The following PTGFRN variants were observed in gnomAD, a reference collection of about 807,000 sequenced individuals.
The protein encoded by PTGFRN is prostaglandin F2 receptor negative regulator.
In PTGFRN, 35 loss-of-function variants were observed where a neutral mutation model predicts 83.2. That is an observed-to-expected ratio of 0.42 (90% confidence interval 0.32 to 0.56). The LOEUF (loss-of-function observed/expected upper bound fraction) is 0.56, where lower values mean the gene tolerates loss of function less well. PTGFRN is among the 20% of genes least tolerant of loss of function. The pLI is 0.11. For synonymous variants in PTGFRN, 519 were observed against 498.6 expected, an observed-to-expected ratio of 1.04 and a Z score of -0.55; for missense variants, 1,051 against 1,179.5, an observed-to-expected ratio of 0.89 and a Z score of 1.60.
chr1:116,926,464 C>T (rs1253076650), intron 1 of PTGFRN, among the ~76,000 whole-genome samples: 1 of 152,194 alleles, frequency 6.6e-6, no homozygotes, highest in Non-Finnish European at 1.5e-5. Context: ...CCTTTTCTAT[C>T]TCTGGTCCTT....
In PTGFRN at chr1:116,988,631, C is replaced by T. The variant is rs761559849; in HGVS notation, c.*1664C>T. On this transcript the variant is annotated 3_prime_UTR_variant, in exon 9 of 9. Transcript: ENST00000393203. ...CCATTCATGTGCAGCTCTTTGTCAC[C>T]ATGGGCCGGATGAGTTGTGCTCCTC... 1 of 152,822 alleles carries T rather than the reference C, an allele frequency of 6.5e-6. No individual in the cohort carries two copies. The highest frequency in any genetic ancestry group is 1.5e-5 in the Non-Finnish European group (1 of 68,110). The allele number at this position is 152,822 out of a possible 1,614,324, so 9.5% of individuals were successfully genotyped here.
At chr1:116,973,149 C>T (rs1433029266) in intron 6 of PTGFRN, among the ~76,000 whole-genome samples, 4 of 152,218 alleles carry the variant, frequency 2.6e-5, no homozygotes, top group Admixed American at 6.5e-5. Flanking sequence ...AACACCTGGG[C>T]TCAAGTGACC....
chr1:116,921,043 T>G (rs1649524210), intron 1 of PTGFRN, among the ~76,000 whole-genome samples: 1 of 152,224 alleles, frequency 6.6e-6, no homozygotes, highest in South Asian at 2.1e-4. Flanking sequence ...AGGTTCAAAA[T>G]GATGCTGGAT....
intron 1 of PTGFRN, among the ~76,000 whole-genome samples, chr1:116,939,495 C>G (rs541728579): frequency 6.6e-6 from 1 of 152,168 alleles, no homozygotes; most frequent in East Asian, 1.9e-4. Flanking sequence ...GCACCAAGTC[C>G]CTAGGCTGCA....
intron 7 of PTGFRN, among the ~76,000 whole-genome samples, chr1:116,977,674 G>A (rs1448248695): frequency 6.6e-6 from 1 of 151,968 alleles, no homozygotes; most frequent in Non-Finnish European, 1.5e-5. Flanking sequence ...TGAAACCAAT[G>A]AGAACAAAGA....
At chr1:116,915,792 G>A (rs1039456704) in intron 1 of PTGFRN, among the ~76,000 whole-genome samples, 1 of 152,200 alleles carries the variant, frequency 6.6e-6, no homozygotes, top group African/African-American at 2.4e-5. Context: ...ATGCTGTCCA[G>A]GCAGTTCATA....
chr1:116,916,522 T>G (rs1286713635), intron 1 of PTGFRN, among the ~76,000 whole-genome samples: 2 of 152,212 alleles, frequency 1.3e-5, no homozygotes, highest in Non-Finnish European at 2.9e-5. Context: ...CTTATGGGCC[T>G]CAGTAAGGGA....
At chr1:116,944,149 G>A (rs947241284) in intron 2 of PTGFRN, among the ~76,000 whole-genome samples, 1 of 152,186 alleles carries the variant, frequency 6.6e-6, no homozygotes, top group Non-Finnish European at 1.5e-5. Context: ...TCTCCCCTGT[G>A]GATCTTGCTA....
rs1477999272 is a variant in PTGFRN, at chr1:116,946,298, G to C, written c.832+1206G>C. Among the ~76,000 whole-genome samples, 16 of 152,204 alleles carry C rather than the reference G, an allele frequency of 1.1e-4. 1 individual carries two copies. The highest frequency in any genetic ancestry group is 1.0e-3 in the Admixed American group (16 of 15,280). ...ACAGAGCCTGGATTTGGAAAAGTGG[G>C]TGGTGGAAAAGCAGGTCTGAGGTTC... On this transcript the variant is annotated intron_variant, in intron 3 of 8. Transcript: ENST00000393203.
At chr1:116,960,262 G>T (rs898416080) in intron 4 of PTGFRN, among the ~76,000 whole-genome samples, 3 of 152,228 alleles carry the variant, frequency 2.0e-5, no homozygotes, top group African/African-American at 7.2e-5. Context: ...GTGAGACTGT[G>T]TGGAGACTGG....
rs911042937 is a variant in PTGFRN, at chr1:116,974,204, C to T, written c.2060-12C>T. The T allele has an allele frequency of 1.1e-5, 18 of 1,567,714 alleles. No homozygotes were observed. The Admixed American group carries it at 3.0e-4, about 26-fold the overall frequency. On this transcript the variant is annotated splice_polypyrimidine_tract_variant and intron_variant, in intron 6 of 8. Transcript: ENST00000393203. ...AAAGAGAATAATGAGGCTGGCATTA[C>T]TTTTTTTCCAGGTCCTATATTTAAT...
At chr1:116,936,830 A>G (rs1286032330) in intron 1 of PTGFRN, among the ~76,000 whole-genome samples, 4 of 152,156 alleles carry the variant, frequency 2.6e-5, no homozygotes, top group Non-Finnish European at 2.9e-5. Context: ...AACAACTACT[A>G]TTTTACCAGG....
chr1:116,934,415 G>A (rs1162566135), intron 1 of PTGFRN, among the ~76,000 whole-genome samples: 1 of 152,148 alleles, frequency 6.6e-6, no homozygotes, highest in Non-Finnish European at 1.5e-5. Flanking sequence ...CCAGTGTGCT[G>A]GGATTATAGG....
chr1:116,932,833 A>T (rs2101058262), intron 1 of PTGFRN, among the ~76,000 whole-genome samples: 1 of 152,322 alleles, frequency 6.6e-6, no homozygotes, highest in Middle Eastern at 3.4e-3. Flanking sequence ...AAGGCAAACG[A>T]AATCCGACCT....
At chr1:116,976,909 A>G (rs989245350) in intron 7 of PTGFRN, among the ~76,000 whole-genome samples, 2 of 152,248 alleles carry the variant, frequency 1.3e-5, no homozygotes, top group East Asian at 1.9e-4. Flanking sequence ...AAATGCTCCA[A>G]TTAAAAGACA....
chr1:116,936,196 AT>A (rs1049108917), intron 1 of PTGFRN, among the ~76,000 whole-genome samples: 2 of 151,956 alleles, frequency 1.3e-5, no homozygotes, highest in Admixed American at 1.3e-4. Context: ...CATATGCTCT[AT>A]TTTTTCCAAG....
At chr1:116,969,224 T>A (rs866030488) in intron 6 of PTGFRN, among the ~76,000 whole-genome samples, 6 of 151,998 alleles carry the variant, frequency 3.9e-5, no homozygotes, top group African/African-American at 1.4e-4. Flanking sequence ...CTTCTAAGAG[T>A]TTTATAGTTT....
At chr1:116,913,078 A>G (rs1649312295) in intron 1 of PTGFRN, among the ~76,000 whole-genome samples, 4 of 152,340 alleles carry the variant, frequency 2.6e-5, no homozygotes, top group Admixed American at 2.0e-4. Context: ...GGAGTCCCAG[A>G]CAAATGACAA....
In PTGFRN at chr1:116,944,825, C is replaced by CGGCCTGCTGCTGTG; in HGVS notation, c.566_567insGCCTGCTGCTGTGG (p.Gly190ProfsTer15). 1 of 1,578,134 alleles carries CGGCCTGCTGCTGTG rather than the reference C, an allele frequency of 6.3e-7. No individual in the cohort carries two copies. The highest frequency in any genetic ancestry group is 8.6e-7 in the Non-Finnish European group (1 of 1,165,382). On this transcript the variant is annotated frameshift_variant, in exon 3 of 9. Transcript: ENST00000393203. LOFTEE classifies it high-confidence loss of function. ...CCTGGCGCTGCTGTGGGAGGTGCAC[C>CGGCCTGCTGCTGTG]GCGGCCCGGCCAGGCGGAGCGTCCT...
Sources: gnomAD v4.1 joint callset for allele counts (sites outside exome capture counted in the v4.1 genomes callset) on GRCh38, gnomAD v4.1.1 for gene constraint, MANE v1.5 for transcripts, NCBI Gene and HGNC (gene_info 2026-07-23, HGNC 2026-07-21) for gene names.